The following SLC12A6 variants were observed in gnomAD, a reference collection of about 807,000 sequenced individuals.
SLC12A6 encodes the protein solute carrier family 12 member 6, also known as K-Cl cotransporter 3.
SLC12A6 carries 66 observed loss-of-function variants against 135.3 expected under a neutral mutation model. The ratio of observed to expected loss-of-function variants is 0.49; its 90% CI spans 0.40 to 0.60. The LOEUF is 0.60. SLC12A6 is among the 20% of genes least tolerant of loss of function. The pLI is 0.00. For synonymous variants in SLC12A6, 513 were observed against 508.8 expected, an observed-to-expected ratio of 1.01 and a Z score of -0.11; for missense variants, 1,058 against 1,452.3, an observed-to-expected ratio of 0.73 and a Z score of 4.41.
At chr15:34,292,427 A>C (rs1213299158) in intron 2 of SLC12A6, among the ~76,000 whole-genome samples, 1 of 152,168 alleles carries the variant, frequency 6.6e-6, no homozygotes, top group Non-Finnish European at 1.5e-5. Context: ...GATGTCTCCT[A>C]GTCAGGCTAC....
chr15:34,240,720 C>A lies in SLC12A6; in HGVS notation c.2377G>T (p.Gly793Cys), dbSNP rs934430064. The change falls in exon 19 of 26, where the codon GGC becomes TGC. Residue 793 changes from glycine to cysteine, a missense_variant. Coordinates refer to ENST00000354181, the MANE Select transcript of SLC12A6 (RefSeq NM_001365088.1). ...AGGAAGTTCCCCACGATGACAGAGC[C>A]CACAATAGTGAGACCTTTTCCTGCT... The part of the protein sequence containing the change: ...LKAGKGLTIV[G>C]SVIVGNFLEN... The A allele has an allele frequency of 4.5e-5, 73 of 1,613,936 alleles. No homozygotes were observed. Among genetic ancestry groups the A allele is most frequent in the Non-Finnish European group, 5.9e-5 (70 of 1,179,912 alleles).
chr15:34,312,602 C>T (rs1332355349), intron 2 of SLC12A6, among the ~76,000 whole-genome samples: 1 of 152,124 alleles, frequency 6.6e-6, no homozygotes, highest in Non-Finnish European at 1.5e-5. Flanking sequence ...AAGGAAAGTC[C>T]GAGTTTCTGC....
chr15:34,290,738 T>C (rs1895460375), intron 2 of SLC12A6, among the ~76,000 whole-genome samples: 1 of 152,192 alleles, frequency 6.6e-6, no homozygotes, highest in South Asian at 2.1e-4. Flanking sequence ...AAATGTCTCT[T>C]TTGATCTTTG....
chr15:34,239,857 C>T (rs1036157558), intron 19 of SLC12A6, among the ~76,000 whole-genome samples: 4 of 151,930 alleles, frequency 2.6e-5, no homozygotes, highest in African/African-American at 9.7e-5. Context: ...ATCCTGTGTA[C>T]CTTTTATTAA....
At chr15:34,292,548 T>C (rs1296444041) in intron 2 of SLC12A6, among the ~76,000 whole-genome samples, 4 of 152,142 alleles carry the variant, frequency 2.6e-5, no homozygotes, top group Admixed American at 2.0e-4. Flanking sequence ...GACGTTTAAG[T>C]CTGGAGAAGC....
chr15:34,241,399 T>A, intron 17 of SLC12A6, 62 bp from the exon 18 acceptor site: 1 of 909,016 alleles, frequency 1.1e-6, no homozygotes, highest in Non-Finnish European at 1.8e-6. Flanking sequence ...TTTTAAAAAA[T>A]AAAGTTTTTT....
chr15:34,273,591 A>C (rs1427024459), intron 3 of SLC12A6, among the ~76,000 whole-genome samples: 2 of 152,160 alleles, frequency 1.3e-5, no homozygotes, highest in Non-Finnish European at 2.9e-5. Context: ...ACGAAAAAGG[A>C]GTATCCCAGT....
At chr15:34,323,410 C>T (rs917799997) in intron 2 of SLC12A6, among the ~76,000 whole-genome samples, 6 of 152,180 alleles carry the variant, frequency 3.9e-5, no homozygotes, top group African/African-American at 1.2e-4. Context: ...CAAGCATTAC[C>T]GCCTGAGAGC....
At chr15:34,326,985 G>T (rs1889511522) in intron 2 of SLC12A6, among the ~76,000 whole-genome samples, 1 of 148,178 alleles carries the variant, frequency 6.7e-6, no homozygotes, top group African/African-American at 2.5e-5. Context: ...AGAAAATGCA[G>T]TGTAATGACA....
intron 10 of SLC12A6, 102 bp downstream of exon 10, chr15:34,252,068 C>T: frequency 1.4e-6 from 1 of 709,280 alleles, no homozygotes; most frequent in Admixed American, 2.0e-5. Flanking sequence ...GGAATTAGCA[C>T]CATGGCAGTG....
chr15:34,333,420 A>G (rs2141196125), intron 2 of SLC12A6, among the ~76,000 whole-genome samples: 1 of 151,894 alleles, frequency 6.6e-6, no homozygotes, highest in African/African-American at 2.4e-5. Flanking sequence ...TAGTAGAGAC[A>G]GGGTTTCACC....
chr15:34,317,333 A>T (rs1048455712), intron 2 of SLC12A6, among the ~76,000 whole-genome samples: 3 of 152,250 alleles, frequency 2.0e-5, no homozygotes, highest in African/African-American at 7.2e-5. Flanking sequence ...AAGATAACCA[A>T]CCGCTATTGA....
At chr15:34,268,860 TTTC>T (rs1242701625) in intron 3 of SLC12A6, among the ~76,000 whole-genome samples, 2 of 146,466 alleles carry the variant, frequency 1.4e-5, no homozygotes, top group Non-Finnish European at 3.1e-5. Flanking sequence ...TTTTTCTTTC[TTTC>T]TTTTTTTTTT....
At chr15:34,310,008 T>C (rs1175965595) in intron 2 of SLC12A6, among the ~76,000 whole-genome samples, 1 of 151,598 alleles carries the variant, frequency 6.6e-6, no homozygotes, top group Non-Finnish European at 1.5e-5. Flanking sequence ...AGATAATCTT[T>C]TTTTTTTTTT....
intron 15 of SLC12A6, 65 bp downstream of exon 15, chr15:34,245,220 T>C (rs1485858193): frequency 2.2e-6 from 2 of 896,100 alleles, no homozygotes; most frequent in Non-Finnish European, 3.8e-6. Context: ...ATATGACTGA[T>C]GGAAATAAAC....
upstream of SLC12A6, chr15:34,338,024 C>T (rs1890312307): frequency 6.6e-6 from 1 of 151,926 alleles, no homozygotes; most frequent in South Asian, 2.1e-4. Flanking sequence ...GCCCGAAAGC[C>T]CCGCCCAGCC....
chr15:34,252,436 A>T (rs1892459579), intron 9 of SLC12A6, 52 bp from the exon 10 acceptor site: 3 of 1,014,018 alleles, frequency 3.0e-6, no homozygotes, highest in East Asian at 4.9e-5. Context: ...AAAGTACATT[A>T]AAAAAAAAGG....
Position 34,233,832 on chromosome 15 carries a change from G to T in SLC12A6, c.*49C>A, listed in dbSNP as rs1295535379. 1.0e-6 allele frequency: 1 copy of T among 953,058 alleles called. No homozygotes were observed. Among genetic ancestry groups the T allele is most frequent in the Non-Finnish European group, 1.7e-6 (1 of 576,350 alleles). The allele number at this position is 953,058 out of a possible 1,614,324, so 59.0% of individuals were successfully genotyped here. On this transcript the variant is annotated 3_prime_UTR_variant, in exon 26 of 26. Coordinates refer to ENST00000354181, the MANE Select transcript of SLC12A6 (RefSeq NM_001365088.1). The stretch of plus-strand genomic sequence containing the variant: ...GTAATGAGCTGGCACTTCCATGGAG[G>T]ACGTAGGCCTTTTAAGAAAACAGGT...
In SLC12A6 at chr15:34,296,896, A is replaced by AT. The variant is rs1483941421; in HGVS notation, c.272-21508dup. On this transcript the variant is annotated intron_variant, in intron 2 of 25. Transcript: ENST00000354181. ...CTTCTACTTTGATATTTGAAAAAAAATTTTAGTAACCAAACTGTTTTACTT... is the reference window on the plus strand; with the variant it reads ...CTTCTACTTTGATATTTGAAAAAAAATTTTTAGTAACCAAACTGTTTTACTT... Among the ~76,000 whole-genome samples the AT allele has an allele frequency of 4.6e-5, 7 of 152,314 alleles. No individual in the cohort carries two copies. The East Asian group carries it at 1.3e-3, about 29-fold the overall frequency.
Sources: allele counts gnomAD v4.1 joint callset (sites outside exome capture counted in the v4.1 genomes callset), GRCh38; gene constraint gnomAD v4.1.1; transcripts MANE v1.5; gene names NCBI Gene and HGNC (gene_info 2026-07-23, HGNC 2026-07-21).